Variants in LRIG3 observed in about 807,000 individuals in gnomAD.
LRIG3 encodes leucine-rich repeats and immunoglobulin-like domains protein 3.
Under a neutral mutation model 114.5 loss-of-function variants are expected in LRIG3, and 76 were observed. The observed-to-expected ratio is 0.66, with a 90% CI of 0.55 to 0.80. The LOEUF (loss-of-function observed/expected upper bound fraction) is 0.80, where lower values mean the gene tolerates loss of function less well. LRIG3 is among the 30% of genes least tolerant of loss of function. The pLI is 0.00. For synonymous variants in LRIG3, 512 were observed against 519.8 expected (o/e 0.98, Z 0.20); for missense variants, 1,239 against 1,382.8 (o/e 0.90, Z 1.65).
chr12:58,906,748 C>A (rs17121715), intron 3 of LRIG3, among the ~76,000 whole-genome samples: 2,578 of 152,138 alleles, frequency 0.017, 72 homozygotes, highest in African/African-American at 0.051. Context: ...GGGCTCACAA[C>A]ACTGAACAGC....
intron 3 of LRIG3, among the ~76,000 whole-genome samples, chr12:58,906,040 G>A (rs182898575): frequency 6.6e-6 from 1 of 152,062 alleles, no homozygotes; most frequent in African/African-American, 2.4e-5. Context: ...TGCATCAGGA[G>A]AGCACACGTC....
intron 16 of LRIG3, 98 bp downstream of exon 16, chr12:58,876,347 C>A: frequency 3.0e-6 from 4 of 1,338,282 alleles, no homozygotes; most frequent in Non-Finnish European, 4.1e-6. Context: ...TCCTAAATGT[C>A]AGTGTTATCA....
chr12:58,919,673 GAGCA>G, intron 1 of LRIG3: 1 of 1,223,290 alleles, frequency 8.2e-7, no homozygotes, highest in Non-Finnish European at 1.1e-6. Flanking sequence ...GGCCTGGCAG[GAGCA>G]AGCATTTGAA....
At position 58,882,915 on chromosome 12, in the gene LRIG3, T is replaced by C; in HGVS notation, c.1434A>G (p.Leu478=). Residue 478 remains leucine, a synonymous_variant, in exon 12 of 19, where the codon CTA becomes CTG. Transcript: ENST00000320743. Reference sequence around the variant, plus strand: ...TAACAGCAAAAATGCTTCTTCCTTTTAGCAGCTGAGGATGGGCACAACTGG... The same window carrying C: ...TAACAGCAAAAATGCTTCTTCCTTTCAGCAGCTGAGGATGGGCACAACTGG... ...VNASCAHPQL[L]KGRSIFAVSP... 1 of 1,614,144 alleles carries C rather than the reference T, an allele frequency of 6.2e-7. No homozygotes were observed. Among genetic ancestry groups the C allele is most frequent in the Non-Finnish European group, 8.5e-7 (1 of 1,179,996 alleles).
chr12:58,885,607 T>C (rs946670675), intron 10 of LRIG3, among the ~76,000 whole-genome samples: 2 of 152,118 alleles, frequency 1.3e-5, no homozygotes, highest in Non-Finnish European at 2.9e-5. Flanking sequence ...GCTTTTGTTC[T>C]TAAATACAAA....
chr12:58,898,748 TC>T (rs1162094384), intron 3 of LRIG3, among the ~76,000 whole-genome samples: 1 of 152,162 alleles, frequency 6.6e-6, no homozygotes, highest in East Asian at 1.9e-4. Context: ...AACCTCCGAC[TC>T]CCTGGTTCAA....
At chr12:58,881,929 GACTAAAAA>G (rs1871141551) in intron 12 of LRIG3, among the ~76,000 whole-genome samples, 2 of 152,134 alleles carry the variant, frequency 1.3e-5, no homozygotes. Context: ...CAGATCTTGG[GACTAAAAA>G]ACTATGAAAC....
At chr12:58,887,100 C>T (rs1004862483) in intron 8 of LRIG3, 8 of 497,878 alleles carry the variant, frequency 1.6e-5, no homozygotes, top group African/African-American at 5.9e-5. Flanking sequence ...CCCTAAAATC[C>T]GAAAAAGCTG....
At chr12:58,910,603 G>A (rs962678597) in intron 3 of LRIG3, among the ~76,000 whole-genome samples, 10 of 151,816 alleles carry the variant, frequency 6.6e-5, no homozygotes, top group Admixed American at 3.3e-4. Flanking sequence ...GCGAGACTCC[G>A]TCTCAAAAAA....
At chr12:58,914,483 T>C (rs1001899073) in intron 1 of LRIG3, 147 bp from the exon 2 acceptor site, 3 of 584,060 alleles carry the variant, frequency 5.1e-6, no homozygotes, top group African/African-American at 1.9e-5. Context: ...GCAACCAAAA[T>C]GCCAAACTCA....
chr12:58,888,286 C>G (rs1474462020), intron 7 of LRIG3, 43 bp downstream of exon 7: 1 of 1,595,066 alleles, frequency 6.3e-7, no homozygotes. Flanking sequence ...CTGGCATGAT[C>G]CCTGCTCTCA....
rs117245609 is a variant in LRIG3, at chr12:58,880,683, G to T, written c.1699C>A (p.Arg567=). The change falls in exon 13 of 19, where the codon CGG becomes AGG. Residue 567 remains arginine, a synonymous_variant. Transcript: ENST00000320743. ...CTGGCAAATTCCACCTCGCGCAGCC[G>T]AAGGATGGTGGTATACTCCATCACC... The part of the protein sequence containing the change: ...GEVMEYTTIL[R]LREVEFASEG... 1 of 1,614,078 alleles carries T rather than the reference G, an allele frequency of 6.2e-7. No homozygotes were observed. The highest frequency in any genetic ancestry group is 8.5e-7 in the Non-Finnish European group (1 of 1,180,046).
At chr12:58,876,378 T>C in intron 16 of LRIG3, 67 bp downstream of exon 16, 2 of 1,525,270 alleles carry the variant, frequency 1.3e-6, no homozygotes, top group Non-Finnish European at 8.9e-7. Flanking sequence ...AAAATGAATA[T>C]CATATCTGAG....
chr12:58,874,134 A>AT lies in LRIG3; in HGVS notation c.3035dup (p.Asn1012LysfsTer12). The AT allele has an allele frequency of 6.2e-7, 1 of 1,614,124 alleles. No individual in the cohort carries two copies. The highest frequency in any genetic ancestry group is 8.5e-7 in the Non-Finnish European group (1 of 1,180,014). Reference sequence around the variant, plus strand: ...CTAAAGAGGACTTGTTTAGACACAGATTTTTCATTCCAGGTCCTTCATTGT... The same window carrying AT: ...CTAAAGAGGACTTGTTTAGACACAGATTTTTTCATTCCAGGTCCTTCATTGT... On this transcript the variant is annotated frameshift_variant, in exon 18 of 19. Transcript: ENST00000320743. LOFTEE classifies it high-confidence loss of function.
At chr12:58,883,296 CTGTACTA>C (rs993708068) in intron 11 of LRIG3, among the ~76,000 whole-genome samples, 2 of 152,146 alleles carry the variant, frequency 1.3e-5, no homozygotes, top group Non-Finnish European at 2.9e-5. Context: ...TATTGGGTGA[CTGTACTA>C]TATTTGGTCC....
At chr12:58,892,157 G>A (rs1288247751) in intron 3 of LRIG3, among the ~76,000 whole-genome samples, 1 of 152,126 alleles carries the variant, frequency 6.6e-6, no homozygotes, top group African/African-American at 2.4e-5. Flanking sequence ...GCAATCAAAC[G>A]GATGTGCAAG....
chr12:58,889,924 T>C lies in LRIG3; in HGVS notation c.659+72A>G, dbSNP rs984922201. ...TCCTAAACTCCTTTTTGCCACATTGTAGATTTTAAGGAAAAGACACCAAGG... is the reference window on the plus strand; with the variant it reads ...TCCTAAACTCCTTTTTGCCACATTGCAGATTTTAAGGAAAAGACACCAAGG... On this transcript the variant is annotated intron_variant, in intron 5 of 18. Coordinates refer to ENST00000320743, the MANE Select transcript of LRIG3 (RefSeq NM_153377.5). 7.1e-6 allele frequency: 11 copies of C among 1,543,184 alleles called. No homozygotes were observed. The Admixed American group carries it at 1.1e-4, about 15-fold the overall frequency.
At position 58,872,606 on chromosome 12, in the gene LRIG3, G is replaced by C. The variant is rs1870774606; in HGVS notation, c.3326C>G (p.Thr1109Ser). 1 of 1,613,916 alleles carries C rather than the reference G, an allele frequency of 6.2e-7. No individual in the cohort carries two copies. Among genetic ancestry groups the C allele is most frequent in the Non-Finnish European group, 8.5e-7 (1 of 1,179,932 alleles). The change falls in exon 19 of 19, where the codon ACT becomes AGT. Residue 1109 changes from threonine (T) to serine (S), a missense_variant. Thr to Ser is a moderately conservative substitution (Grantham distance 58, BLOSUM62 1). Transcript: ENST00000320743. The part of the protein sequence containing the change: ...TFKQTLENYR[T>S]PNFQSYDLDT ...CAAGTCATAAGACTGAAAATTTGGA[G>C]TCCTGTAGTTTTCTAAAGTCTGTTT...
rs575258154 is a variant in LRIG3, at chr12:58,886,671, G to T, written c.1172+139C>A. On this transcript the variant is annotated intron_variant, in intron 9 of 18. Transcript: ENST00000320743. ...CATCTTGCGCAACAGCAGGCATTTG[G>T]GGAGAGGATCAAGGGTGGTAACCAG... 449 of 600,978 alleles carry T rather than the reference G, an allele frequency of 7.5e-4. 5 individuals are homozygous for T. In the South Asian group the frequency reaches 0.01, roughly 14 times the overall value. 37.2% of individuals were successfully genotyped at this position (600,978 alleles called of 1,614,324 possible).
Sources: gnomAD v4.1 joint callset for allele counts (sites outside exome capture counted in the v4.1 genomes callset) on GRCh38, gnomAD v4.1.1 for gene constraint, MANE v1.5 for transcripts, NCBI Gene and HGNC (gene_info 2026-07-23, HGNC 2026-07-21) for gene names.